Variants in C7orf78 observed in about 807,000 individuals in gnomAD.
C7orf78 encodes the protein putative uncharacterized protein C7orf78.
the C7orf78 span, among the ~76,000 whole-genome samples, chr7:12,524,203 G>C: frequency 6.6e-6 from 1 of 152,016 alleles, no homozygotes; most frequent in Non-Finnish European, 1.5e-5. Context: ...AAGCCTTTTT[G>C]ATTATTTATA....
chr7:12,510,762 T>A, the C7orf78 span, among the ~76,000 whole-genome samples: 26 of 152,284 alleles, frequency 1.7e-4, no homozygotes, highest in Non-Finnish European at 3.5e-4. Context: ...TGCTGCTGAG[T>A]TGTTTAAGTT....
chr7:12,522,242 C>A, the C7orf78 span, among the ~76,000 whole-genome samples: 2 of 152,208 alleles, frequency 1.3e-5, no homozygotes, highest in Non-Finnish European at 2.9e-5. Context: ...ACTATTTCTA[C>A]TTCACCAAAT....
the C7orf78 span, chr7:12,487,097 A>T: frequency 6.6e-6 from 1 of 152,010 alleles, no homozygotes; most frequent in Non-Finnish European, 1.5e-5. Context: ...TCTCAAGACT[A>T]GTTTCCTATC....
At chr7:12,486,773 G>C in the C7orf78 span, among the ~76,000 whole-genome samples, 1 of 151,940 alleles carries the variant, frequency 6.6e-6, no homozygotes, top group Non-Finnish European at 1.5e-5. Context: ...CTGCATATCG[G>C]ATAATATTGT....
At chr7:12,518,383 G>A in the C7orf78 span, among the ~76,000 whole-genome samples, 3 of 152,176 alleles carry the variant, frequency 2.0e-5, no homozygotes, top group African/African-American at 2.4e-5. Context: ...TGGCAGTGGT[G>A]AGCCAGGTGG....
At chr7:12,535,818 C>T in the C7orf78 span, among the ~76,000 whole-genome samples, 28 of 152,300 alleles carry the variant, frequency 1.8e-4, no homozygotes, top group Admixed American at 4.6e-4. Context: ...CATGCAAGTC[C>T]GAAATGCAGC....
At chr7:12,514,382 T>C in the C7orf78 span, among the ~76,000 whole-genome samples, 1 of 152,160 alleles carries the variant, frequency 6.6e-6, no homozygotes, top group African/African-American at 2.4e-5. Flanking sequence ...TTCTTTGCTT[T>C]TTTTTTAATA....
At chr7:12,532,285 C>T in the C7orf78 span, among the ~76,000 whole-genome samples, 1 of 152,186 alleles carries the variant, frequency 6.6e-6, no homozygotes, top group East Asian at 1.9e-4. Context: ...CATGGTGGCT[C>T]ACGCCTGTAA....
chr7:12,535,861 C>G, the C7orf78 span, among the ~76,000 whole-genome samples: 1 of 152,216 alleles, frequency 6.6e-6, no homozygotes, highest in Non-Finnish European at 1.5e-5. Flanking sequence ...TCAAAATGAT[C>G]TCCTTTGACT....
chr7:12,483,844 C>G, the C7orf78 span: 1 of 144,780 alleles, frequency 6.9e-6, no homozygotes, highest in Non-Finnish European at 1.5e-5. Flanking sequence ...TGCCACTGCA[C>G]TCTAGCCTGG....
chr7:12,490,083 T>C, the C7orf78 span, among the ~76,000 whole-genome samples: 1 of 152,162 alleles, frequency 6.6e-6, no homozygotes, highest in African/African-American at 2.4e-5. Context: ...AAGCACAATA[T>C]GAGGACAGAT....
At chr7:12,520,095 G>T in the C7orf78 span, among the ~76,000 whole-genome samples, 2 of 152,180 alleles carry the variant, frequency 1.3e-5, no homozygotes, top group African/African-American at 2.4e-5. Flanking sequence ...GCCAATGAGG[G>T]TATCCCACTT....
chr7:12,494,396 G>A, the C7orf78 span, among the ~76,000 whole-genome samples: 1 of 152,224 alleles, frequency 6.6e-6, no homozygotes, highest in East Asian at 1.9e-4. Context: ...TTTAATCTCT[G>A]TGACTTGAAC....
At chr7:12,528,843 A>G in the C7orf78 span, 2 of 397,570 alleles carry the variant, frequency 5.0e-6, no homozygotes, top group African/African-American at 2.1e-5. Context: ...CATCTGAGAG[A>G]CATCATGAAC....
At chr7:12,492,495 AT>A in the C7orf78 span, among the ~76,000 whole-genome samples, 1 of 152,226 alleles carries the variant, frequency 6.6e-6, no homozygotes, top group Non-Finnish European at 1.5e-5. Flanking sequence ...ATGGTCTTAC[AT>A]TGCTTTTGAT....
At chr7:12,539,187 G>A in the C7orf78 span, among the ~76,000 whole-genome samples, 11 of 152,152 alleles carry the variant, frequency 7.2e-5, no homozygotes, top group East Asian at 1.9e-4. Flanking sequence ...CTTTAGGGCC[G>A]GGCGCAGTGG....
the C7orf78 span, among the ~76,000 whole-genome samples, chr7:12,532,130 C>G: frequency 6.6e-6 from 1 of 152,116 alleles, no homozygotes; most frequent in Admixed American, 6.5e-5. Flanking sequence ...ATGCCTGGTC[C>G]CAGGTAGTTA....
At chr7:12,493,020 T>C in the C7orf78 span, among the ~76,000 whole-genome samples, 2 of 152,062 alleles carry the variant, frequency 1.3e-5, no homozygotes, top group African/African-American at 2.4e-5. Context: ...CTGGGTCACA[T>C]GGCAAAAAAC....
chr7:12,513,198 TC>T, the C7orf78 span, among the ~76,000 whole-genome samples: 1 of 151,914 alleles, frequency 6.6e-6, no homozygotes, highest in African/African-American at 2.4e-5. Flanking sequence ...TTTCTTTCTT[TC>T]TTTTTCTTTC....
Sources: allele counts gnomAD v4.1 joint callset (sites outside exome capture counted in the v4.1 genomes callset), GRCh38; gene constraint gnomAD v4.1.1; transcripts MANE v1.5; gene names NCBI Gene and HGNC (gene_info 2026-07-23, HGNC 2026-07-21).